PINK1: variants seen among roughly 807,000 people sequenced by gnomAD.
The protein encoded by PINK1 is serine/threonine-protein kinase PINK1, mitochondrial.
In PINK1, 58 loss-of-function variants were observed where a neutral mutation model predicts 56.0. The ratio of observed to expected loss-of-function variants is 1.04; its 90% CI spans 0.84 to 1.29. The LOEUF is 1.29. PINK1 is among the 50% of genes most tolerant of loss of function. The pLI is 0.00. For synonymous variants in PINK1, 354 were observed against 339.3 expected, an observed-to-expected ratio of 1.04 and a Z score of -0.48; for missense variants, 745 against 777.9, an observed-to-expected ratio of 0.96 and a Z score of 0.50.
chr1:20,638,188 G>T, intron 2 of PINK1, 59 bp downstream of exon 2: 1 of 1,568,752 alleles, frequency 6.4e-7, no homozygotes, highest in Non-Finnish European at 8.6e-7. Context: ...ATCTTAGTGG[G>T]CCTGGTGAGG....
At chr1:20,640,019 A>C (rs2053100148) in intron 3 of PINK1, 27 bp downstream of exon 3, 7 of 1,567,772 alleles carry the variant, frequency 4.5e-6, no homozygotes, top group Non-Finnish European at 6.1e-6. Flanking sequence ...TGCCAGACTG[A>C]CTGGGACTTC....
rs534505756 is a variant in PINK1 at position 20,648,548 on chromosome 1, G to A, written c.1167G>A (p.Leu389=). Residue 389 remains leucine (L), a synonymous_variant, in exon 6 of 8, where the codon CTG becomes CTA. Coordinates refer to ENST00000321556, the MANE Select transcript of PINK1 (RefSeq NM_032409.3). ...TGATCGCAGATTTTGGCTGCTGCCTGGCTGATGAGAGCATCGGCCTGCAGT... is the reference window on the plus strand; with the variant it reads ...TGATCGCAGATTTTGGCTGCTGCCTAGCTGATGAGAGCATCGGCCTGCAGT... ...WLVIADFGCC[L]ADESIGLQLP... 7 of 1,614,190 alleles carry A rather than the reference G, an allele frequency of 4.3e-6. No individual in the cohort carries two copies. In the South Asian group the frequency reaches 6.6e-5, roughly 15 times the overall value.
rs183454580 is a variant in PINK1, at chr1:20,649,056, C to T, written c.1313C>T (p.Ala438Val). 6.2e-7 allele frequency: 1 copy of T among 1,614,186 alleles called. No individual in the cohort carries two copies. Among genetic ancestry groups the T allele is most frequent in the African/African-American group, 1.3e-5 (1 of 75,076 alleles). ...GACTACAGCAAGGCTGATGCCTGGG[C>T]AGTGGGAGCCATCGCCTATGAAATC... ...VIDYSKADAW[A>V]VGAIAYEIFG... is the part of the protein sequence containing the mutation. Residue 438 changes from alanine to valine, a missense_variant, in exon 7 of 8, where the codon GCA becomes GTA. Transcript: ENST00000321556.
intron 3 of PINK1, among the ~76,000 whole-genome samples, 195 bp downstream of exon 3, chr1:20,640,187 G>A (rs891592061): frequency 3.3e-5 from 5 of 152,188 alleles, no homozygotes; most frequent in African/African-American, 1.2e-4. Flanking sequence ...AAATGATGAT[G>A]CACTTGCGTA....
At chr1:20,637,804 G>C in intron 1 of PINK1, 38 bp from the exon 2 acceptor site, 1 of 1,611,638 alleles carries the variant, frequency 6.2e-7, no homozygotes. Context: ...GGCCTTCCTA[G>C]GCTCCCTGGC....
In PINK1 at chr1:20,640,548, A is replaced by C. The variant is rs781695402; in HGVS notation, c.776+556A>C. 2.4e-4 allele frequency among the ~76,000 whole-genome samples: 37 copies of C among 152,284 alleles called. No individual in the cohort carries two copies. The Middle Eastern group carries it at 0.01, about 42-fold the overall frequency. ...GAGGGGCTGCTCAGAAAGCCTTCTC[A>C]AAGGGACAGTTTGTGCCACCTTGTG... On this transcript the variant is annotated intron_variant, in intron 3 of 7. Transcript: ENST00000321556.
At chr1:20,647,542 C>G (rs559307120) in intron 5 of PINK1, among the ~76,000 whole-genome samples, 2 of 136,152 alleles carry the variant, frequency 1.5e-5, no homozygotes, top group African/African-American at 5.5e-5. Context: ...ATGATCTTGG[C>G]TCACTGCAAC....
chr1:20,633,578 C>T lies in PINK1; in HGVS notation c.30C>T (p.Gly10=). The part of the protein sequence containing the change: MAVRQALGR[G]LQLGRALLLR... ...CGGTGCGACAGGCGCTGGGCCGCGG[C>T]CTGCAGCTGGGTCGAGCGCTGCTGC... Residue 10 remains glycine, a synonymous_variant, in exon 1 of 8, where the codon GGC becomes GGT. Coordinates refer to ENST00000321556, the MANE Select transcript of PINK1 (RefSeq NM_032409.3). 9.1e-6 allele frequency: 11 copies of T among 1,203,128 alleles called. No individual in the cohort carries two copies. Among genetic ancestry groups the T allele is most frequent in the Non-Finnish European group, 1.0e-5 (10 of 970,262 alleles). The allele number at this position is 1,203,128 out of a possible 1,614,324, so 74.5% of individuals were successfully genotyped here. A position where few individuals can be genotyped will look rare whatever the true frequency, so the allele number is the denominator to read the frequency against.
At chr1:20,644,794 G>A (rs1570404151) in intron 4 of PINK1, 122 bp downstream of exon 4, 5 of 1,305,662 alleles carry the variant, frequency 3.8e-6, no homozygotes, top group Non-Finnish European at 4.2e-6. Flanking sequence ...CCCTTCCGGA[G>A]AAGAAAGCCA....
At position 20,634,065 on chromosome 1, in the gene PINK1, C is replaced by T. The variant is rs569642671; in HGVS notation, c.387+130C>T. On this transcript the variant is annotated intron_variant, in intron 1 of 7. Coordinates refer to ENST00000321556, the MANE Select transcript of PINK1 (RefSeq NM_032409.3). ...CAGATCGAGGGCCGAGGCGAGGGTC[C>T]TTAAAGCTCATCTATTTCACCATTA... 120 of 1,108,132 alleles carry T rather than the reference C, an allele frequency of 1.1e-4. No individual in the cohort carries two copies. The Middle Eastern group carries it at 1.5e-3, about 14-fold the overall frequency. The allele number at this position is 1,108,132 out of a possible 1,614,324, so 68.6% of individuals were successfully genotyped here. A position where few individuals can be genotyped will look rare whatever the true frequency, so the allele number is the denominator to read the frequency against.
intron 3 of PINK1, chr1:20,643,051 C>T (rs2053133524): frequency 6.6e-6 from 1 of 152,418 alleles, no homozygotes; most frequent in African/African-American, 2.4e-5. Flanking sequence ...TCCTGCTTCC[C>T]TTTGGCCTGC....
chr1:20,638,174 GC>G (rs770099454), intron 2 of PINK1, 45 bp downstream of exon 2: 2 of 1,592,796 alleles, frequency 1.3e-6, no homozygotes, highest in East Asian at 2.2e-5. Context: ...TTCTCAAAAT[GC>G]CCATCTTAGT....
chr1:20,640,088 G>C, intron 3 of PINK1, 96 bp downstream of exon 3: 4 of 1,013,166 alleles, frequency 3.9e-6, no homozygotes, highest in Non-Finnish European at 3.0e-6. Flanking sequence ...TGTCTGATAT[G>C]ACAGTAGATA....
rs144550985 is a variant in PINK1, at chr1:20,645,677, G to A, written c.1077G>A (p.Ala359=). 252 of 1,613,908 alleles carry A rather than the reference G, an allele frequency of 1.6e-4. No individual in the cohort carries two copies. Among genetic ancestry groups the A allele is most frequent in the Non-Finnish European group, 2.0e-4 (238 of 1,180,038 alleles). The change falls in exon 5 of 8, where the codon GCG becomes GCA. Residue 359 remains alanine, a synonymous_variant. Transcript: ENST00000321556. Reference sequence around the variant, plus strand: ...ACCATCTGGTTCAACAGGGCATCGCGCACAGAGACCTGAAATCCGACAACA... The same window carrying A: ...ACCATCTGGTTCAACAGGGCATCGCACACAGAGACCTGAAATCCGACAACA... The part of the protein sequence containing the change: ...GVDHLVQQGI[A]HRDLKSDNIL...
intron 1 of PINK1, 84 bp downstream of exon 1, chr1:20,634,019 G>C: frequency 5.4e-6 from 8 of 1,487,936 alleles, no homozygotes; most frequent in Non-Finnish European, 7.2e-6. Context: ...GCGGGGCTAG[G>C]TGTGGAGGCG....
intron 2 of PINK1, chr1:20,639,243 C>A: frequency 6.1e-6 from 1 of 164,430 alleles, no homozygotes; most frequent in South Asian, 1.6e-4. Context: ...GTAGCCAAAT[C>A]CTTTGCCTGT....
chr1:20,638,228 CAG>C (rs1446971207), intron 2 of PINK1, 99 bp downstream of exon 2: 20 of 1,401,026 alleles, frequency 1.4e-5, no homozygotes, highest in South Asian at 3.8e-5. Context: ...TAGGAAAAGA[CAG>C]ATTATCCACA....
In PINK1 at chr1:20,633,520, C is replaced by T; in HGVS notation, c.-29C>T. On this transcript the variant is annotated 5_prime_UTR_variant, in exon 1 of 8. Transcript: ENST00000321556. ...ACGCCGGTGGTGGCGGCAGCGGCGGCTGCGGGGGCACCGGGCCGCGGCGCC... is the reference window on the plus strand; with the variant it reads ...ACGCCGGTGGTGGCGGCAGCGGCGGTTGCGGGGGCACCGGGCCGCGGCGCC... 8.8e-7 allele frequency: 1 copy of T among 1,132,550 alleles called. No individual in the cohort carries two copies. Among genetic ancestry groups the T allele is most frequent in the Non-Finnish European group, 1.1e-6 (1 of 925,046 alleles). The allele number at this position is 1,132,550 out of a possible 1,614,324, so 70.2% of individuals were successfully genotyped here. A position where few individuals can be genotyped will look rare whatever the true frequency, so the allele number is the denominator to read the frequency against.
In PINK1 at chr1:20,633,470, C is replaced by G; in HGVS notation, c.-79C>G. The G allele has an allele frequency of 9.4e-7, 1 of 1,062,418 alleles. No homozygotes were observed. Among genetic ancestry groups the G allele is most frequent in the Non-Finnish European group, 1.1e-6 (1 of 877,416 alleles). The allele number at this position is 1,062,418 out of a possible 1,614,324, so 65.8% of individuals were successfully genotyped here. ...CCTGCGCCTGCGCAGAGGCACCGCC[C>G]CAAGTTTGTTGTGACCGGCGGGGGA... On this transcript the variant is annotated 5_prime_UTR_variant, in exon 1 of 8. Transcript: ENST00000321556.
Sources: allele counts gnomAD v4.1 joint callset (sites outside exome capture counted in the v4.1 genomes callset), GRCh38; gene constraint gnomAD v4.1.1; transcripts MANE v1.5; gene names NCBI Gene and HGNC (gene_info 2026-07-23, HGNC 2026-07-21).